The following ENSA variants were observed in gnomAD, a reference collection of about 807,000 sequenced individuals.
The protein encoded by ENSA is alpha-endosulfine.
A neutral mutation model predicts 16.8 loss-of-function variants in ENSA; 7 were observed. The observed-to-expected ratio is 0.42, with a 90% confidence interval of 0.24 to 0.78. ENSA has a LOEUF of 0.78. Ranked by LOEUF, ENSA falls within the 30% of genes least tolerant of loss-of-function variation. The pLI, the probability that ENSA is intolerant of heterozygous loss-of-function variation, is 0.29. For missense variants in ENSA, 87 were observed against 142.3 expected, an observed-to-expected ratio of 0.61 and a Z score of 1.98; for synonymous variants, 58 against 53.4, an observed-to-expected ratio of 1.09 and a Z score of -0.37.
Position 150,627,230 on chromosome 1 carries a change from C to A in ENSA, c.183+237G>T, listed in dbSNP as rs1318993721. ...TTCTAACATCTTTCCCTCATTTCCC[C>A]ACACACCCAAATGCTCCAATTTAGG... On this transcript the variant is annotated intron_variant, in intron 2 of 3. Coordinates refer to ENST00000369014, the MANE Select transcript of ENSA (RefSeq NM_004436.4). 2.6e-6 allele frequency: 4 copies of A among 1,510,914 alleles called. No individual in the cohort carries two copies. In the African/African-American group the frequency reaches 5.6e-5, roughly 21 times the overall value. 93.6% of individuals were successfully genotyped at this position (1,510,914 alleles called of 1,614,324 possible).
chr1:150,629,114 C>A, intron 1 of ENSA: 1 of 1,614,198 alleles, frequency 6.2e-7, no homozygotes, highest in South Asian at 1.1e-5. Flanking sequence ...ATCCCCTTTC[C>A]ATTCACCGTC....
rs1341862291 is a variant in ENSA, at chr1:150,622,216, G to A, written c.*628C>T. 1 of 152,116 alleles carries A rather than the reference G, an allele frequency of 6.6e-6. No individual in the cohort carries two copies. The highest frequency in any genetic ancestry group is 1.5e-5 in the Non-Finnish European group (1 of 68,024). 9.4% of individuals were successfully genotyped at this position (152,116 alleles called of 1,614,324 possible). A position where few individuals can be genotyped will look rare whatever the true frequency, so the allele number is the denominator to read the frequency against. On this transcript the variant is annotated 3_prime_UTR_variant, in exon 4 of 4. Coordinates refer to ENST00000369014, the MANE Select transcript of ENSA (RefSeq NM_004436.4). ...GCTCTGTGGGGTTCCCCACGCTCAC[G>A]GCTCCTTTCTCCCACACTCACTGCC... is the stretch of plus-strand genomic sequence containing the variant.
chr1:150,629,574 C>T lies in ENSA; in HGVS notation c.-104G>A. On this transcript the variant is annotated 5_prime_UTR_variant, in exon 1 of 4. Transcript: ENST00000369014. ...CCTGCGCTGCTGCTTCGGCTCCTGT[C>T]ACTAGGGTTGCTCAGTCAAAATGGC... 1 of 1,439,774 alleles carries T rather than the reference C, an allele frequency of 6.9e-7. No homozygotes were observed. The highest frequency in any genetic ancestry group is 2.1e-5 in the Admixed American group (1 of 47,630). The allele number at this position is 1,439,774 out of a possible 1,614,324, so 89.2% of individuals were successfully genotyped here.
intron 2 of ENSA, chr1:150,626,928 A>G: frequency 2.2e-6 from 1 of 459,058 alleles, no homozygotes; most frequent in Non-Finnish European, 3.0e-6. Context: ...CAGGAGCTAC[A>G]TGGCTATGAA....
chr1:150,629,528 G>C lies in ENSA; in HGVS notation c.-58C>G. On this transcript the variant is annotated 5_prime_UTR_variant, in exon 1 of 4. Coordinates refer to ENST00000369014, the MANE Select transcript of ENSA (RefSeq NM_004436.4). ...CGGGAAGGCAACCGGAGAAGGGAAG[G>C]GGGAGGGGAAACGGGGACAACCTGC... 4 of 1,589,578 alleles carry C rather than the reference G, an allele frequency of 2.5e-6. No homozygotes were observed. The highest frequency in any genetic ancestry group is 3.4e-6 in the Non-Finnish European group (4 of 1,169,076).
At chr1:150,625,055 A>G (rs1649206142) in intron 3 of ENSA, 1 of 985,294 alleles carries the variant, frequency 1.0e-6, no homozygotes, top group African/African-American at 1.7e-5. Flanking sequence ...ATATTATTTG[A>G]GAGCCAGAGC....
At chr1:150,626,560 A>G in intron 2 of ENSA, 3 of 1,601,520 alleles carry the variant, frequency 1.9e-6, no homozygotes, top group Non-Finnish European at 2.6e-6. Flanking sequence ...AAGGAAAATA[A>G]AAAAATTTTT....
Position 150,629,504 on chromosome 1 carries a change from G to A in ENSA, c.-34C>T, listed in dbSNP as rs587736036. 123 of 1,602,748 alleles carry A rather than the reference G, an allele frequency of 7.7e-5. No individual in the cohort carries two copies. In the South Asian group the frequency reaches 1.2e-3, roughly 16 times the overall value. The stretch of plus-strand genomic sequence containing the variant: ...CGGGACTGTGGAGTGTAAGGGGCCC[G>A]GGAAGGCAACCGGAGAAGGGAAGGG... On this transcript the variant is annotated 5_prime_UTR_variant, in exon 1 of 4. Transcript: ENST00000369014.
chr1:150,629,306 A>T, intron 1 of ENSA, 108 bp downstream of exon 1: 2 of 1,538,648 alleles, frequency 1.3e-6, no homozygotes, highest in South Asian at 2.5e-5. Flanking sequence ...AAAGTGGCCA[A>T]CCCCTGCGGA....
intron 2 of ENSA, chr1:150,627,011 G>A (rs1571013911): frequency 2.7e-6 from 3 of 1,106,266 alleles, no homozygotes; most frequent in Non-Finnish European, 3.3e-6. Flanking sequence ...TATAATTAAT[G>A]GCTGGTGCTC....
intron 1 of ENSA, 137 bp downstream of exon 1, chr1:150,629,277 C>T: frequency 1.3e-6 from 2 of 1,511,162 alleles, no homozygotes; most frequent in East Asian, 4.6e-5. Context: ...CGTGTTGAAG[C>T]TCACCCAGCG....
chr1:150,629,010 A>G (rs754074553), intron 1 of ENSA: 7 of 1,595,350 alleles, frequency 4.4e-6, no homozygotes, highest in African/African-American at 1.3e-5. Context: ...CTCGACCCCT[A>G]TCTTTGCGGA....
intron 2 of ENSA, chr1:150,626,984 T>C: frequency 1.0e-6 from 1 of 994,592 alleles, no homozygotes; most frequent in South Asian, 3.4e-5. Context: ...ACAAGAAAAA[T>C]ACATTTGCTG....
At position 150,622,440 on chromosome 1, in the gene ENSA, T is replaced by G. The variant is rs1649031710; in HGVS notation, c.*404A>C. ...GAGCTCAACTAGAACCCCTTTTCAT[T>G]AGGCTACTCCACTTCCTTCCCCTCA... On this transcript the variant is annotated 3_prime_UTR_variant, in exon 4 of 4. Coordinates refer to ENST00000369014, the MANE Select transcript of ENSA (RefSeq NM_004436.4). 1 of 204,628 alleles carries G rather than the reference T, an allele frequency of 4.9e-6. No homozygotes were observed. The allele number at this position is 204,628 out of a possible 1,614,324, so 12.7% of individuals were successfully genotyped here.
At position 150,629,483 on chromosome 1, in the gene ENSA, A is replaced by T; in HGVS notation, c.-13T>A. ...GTTTCTGGGACATGGCGGGACCGGG[A>T]CTGTGGAGTGTAAGGGGCCCGGGAA... On this transcript the variant is annotated 5_prime_UTR_variant, in exon 1 of 4. Transcript: ENST00000369014. 6.2e-7 allele frequency: 1 copy of T among 1,612,646 alleles called. No individual in the cohort carries two copies.
Position 150,629,559 on chromosome 1 carries a change from T to A in ENSA, c.-89A>T. On this transcript the variant is annotated 5_prime_UTR_variant, in exon 1 of 4. Coordinates refer to ENST00000369014, the MANE Select transcript of ENSA (RefSeq NM_004436.4). ...GGGAAACGGGGACAACCTGCGCTGCTGCTTCGGCTCCTGTCACTAGGGTTG... is the reference window on the plus strand; with the variant it reads ...GGGAAACGGGGACAACCTGCGCTGCAGCTTCGGCTCCTGTCACTAGGGTTG... The A allele has an allele frequency of 6.6e-7, 1 of 1,512,404 alleles. No individual in the cohort carries two copies. Among genetic ancestry groups the A allele is most frequent in the Non-Finnish European group, 9.0e-7 (1 of 1,112,970 alleles). The allele number at this position is 1,512,404 out of a possible 1,614,324, so 93.7% of individuals were successfully genotyped here.
Position 150,629,519 on chromosome 1 carries a change from G to C in ENSA, c.-49C>G. ...TAAGGGGCCCGGGAAGGCAACCGGA[G>C]AAGGGAAGGGGGAGGGGAAACGGGG... On this transcript the variant is annotated 5_prime_UTR_variant, in exon 1 of 4. Coordinates refer to ENST00000369014, the MANE Select transcript of ENSA (RefSeq NM_004436.4). The C allele has an allele frequency of 6.3e-7, 1 of 1,598,446 alleles. No homozygotes were observed. Among genetic ancestry groups the C allele is most frequent in the Non-Finnish European group, 8.5e-7 (1 of 1,173,276 alleles).
chr1:150,629,031 G>A (rs755306258), intron 1 of ENSA: 22 of 1,612,152 alleles, frequency 1.4e-5, no homozygotes, highest in African/African-American at 4.0e-5. Flanking sequence ...TTGAGGCTGC[G>A]GGCCCCAGCC....
At position 150,622,769 on chromosome 1, in the gene ENSA, G is replaced by A; in HGVS notation, c.*75C>T. ...ACCCCTGGCTGCAAAAGCAGGAAGG[G>A]GCAGGAGCCAGCACAGGACCCGGGT... On this transcript the variant is annotated 3_prime_UTR_variant, in exon 4 of 4. Coordinates refer to ENST00000369014, the MANE Select transcript of ENSA (RefSeq NM_004436.4). 6.6e-7 allele frequency: 1 copy of A among 1,508,988 alleles called. No homozygotes were observed. The highest frequency in any genetic ancestry group is 8.9e-7 in the Non-Finnish European group (1 of 1,120,630). 93.5% of individuals were successfully genotyped at this position (1,508,988 alleles called of 1,614,324 possible).
Sources: allele counts gnomAD v4.1 joint callset, GRCh38; gene constraint gnomAD v4.1.1; transcripts MANE v1.5; gene names NCBI Gene and HGNC (gene_info 2026-07-23, HGNC 2026-07-21).